Variants in PTK2 observed in about 807,000 individuals in gnomAD.
The protein encoded by PTK2 is protein tyrosine kinase 2.
PTK2 carries 45 observed loss-of-function variants against 150.1 expected under a neutral mutation model. That is an observed-to-expected ratio of 0.30 (90% CI 0.24 to 0.38). The LOEUF is 0.38. Ranked by LOEUF, PTK2 falls within the 10% of genes least tolerant of loss-of-function variation. PTK2 has a pLI of 1.00. For synonymous variants in PTK2, 432 were observed against 449.2 expected, an observed-to-expected ratio of 0.96 and a Z score of 0.48; for missense variants, 919 against 1,307.3, an observed-to-expected ratio of 0.70 and a Z score of 4.58.
At chr8:140,980,237 T>C (rs1569536095) in intron 1 of PTK2, among the ~76,000 whole-genome samples, 1 of 152,250 alleles carries the variant, frequency 6.6e-6, no homozygotes, top group South Asian at 2.1e-4. Context: ...AAAACTATCA[T>C]ACAGCACCTA....
rs1310618002 is a variant in PTK2 at position 140,679,021 on chromosome 8, T to C, written c.2563-3522A>G. Among the ~76,000 whole-genome samples the C allele has an allele frequency of 5.6e-5, 6 of 107,646 alleles. No individual in the cohort carries two copies. The East Asian group carries it at 1.5e-3, about 27-fold the overall frequency. 70.6% of individuals were successfully genotyped at this position (107,646 alleles called of 152,430 possible). A position where few individuals can be genotyped will look rare whatever the true frequency, so the allele number is the denominator to read the frequency against. On this transcript the variant is annotated intron_variant, in intron 27 of 31. Coordinates refer to ENST00000522684, the Ensembl canonical transcript of PTK2. ...TCCCCATGTTTTTTTTTTTTTTTTTTTTTTTTTTTTTTTTTTTTTTTGAGA... is the reference window on the plus strand; with the variant it reads ...TCCCCATGTTTTTTTTTTTTTTTTTCTTTTTTTTTTTTTTTTTTTTTGAGA...
intron 23 of PTK2, among the ~76,000 whole-genome samples, chr8:140,715,900 T>G (rs1591843162): frequency 6.6e-6 from 1 of 152,030 alleles, no homozygotes; most frequent in East Asian, 1.9e-4. Flanking sequence ...ATTTGGAAAA[T>G]TAGTCATATT....
intron 2 of PTK2, among the ~76,000 whole-genome samples, chr8:140,914,823 G>A (rs1353339901): frequency 6.6e-6 from 1 of 151,940 alleles, no homozygotes; most frequent in African/African-American, 2.4e-5. Flanking sequence ...ATCACATGAG[G>A]TTGGAAGTTT....
intron 3 of PTK2, among the ~76,000 whole-genome samples, chr8:140,882,348 T>TCA (rs1242097550): frequency 1.3e-5 from 2 of 152,142 alleles, no homozygotes; most frequent in Non-Finnish European, 2.9e-5. Flanking sequence ...CATTTTCATA[T>TCA]CACACACACG....
At chr8:140,883,752 C>T (rs2100150616) in intron 3 of PTK2, among the ~76,000 whole-genome samples, 1 of 152,028 alleles carries the variant, frequency 6.6e-6, no homozygotes, top group African/African-American at 2.4e-5. Flanking sequence ...AAAGAATGTA[C>T]TTTTTTATCT....
chr8:140,710,931 T>C (rs74912575), intron 23 of PTK2, among the ~76,000 whole-genome samples: 5 of 152,230 alleles, frequency 3.3e-5, no homozygotes, highest in African/African-American at 7.2e-5. Context: ...TTGTTTCATA[T>C]CCCGCGGGAC....
At chr8:140,874,805 T>C (rs905112541) in intron 4 of PTK2, among the ~76,000 whole-genome samples, 4 of 152,240 alleles carry the variant, frequency 2.6e-5, no homozygotes, top group Non-Finnish European at 4.4e-5. Context: ...GTTTGGTTCC[T>C]AGCTGAAAAC....
intron 29 of PTK2, 41 bp downstream of exon 32, chr8:140,674,257 A>G (rs367737830): frequency 1.9e-6 from 3 of 1,544,034 alleles, no homozygotes; most frequent in Non-Finnish European, 2.7e-6. Flanking sequence ...GACACCACAA[A>G]TCCTGCAAGC....
chr8:140,816,256 T>C (rs1006063890), intron 10 of PTK2, among the ~76,000 whole-genome samples: 1 of 152,124 alleles, frequency 6.6e-6, no homozygotes, highest in Non-Finnish European at 1.5e-5. Flanking sequence ...AACTATAAAA[T>C]ACTTATGAAT....
chr8:140,998,841 T>C (rs563200489), intron 1 of PTK2, among the ~76,000 whole-genome samples: 1 of 151,040 alleles, frequency 6.6e-6, no homozygotes, highest in South Asian at 2.1e-4. Flanking sequence ...AAAAAAACTA[T>C]TTTCTTAGAC....
In PTK2 at chr8:140,861,882, C is replaced by T. The variant is rs114055092; in HGVS notation, c.450+2430G>A. ...TGATCAGAATTTTTTTTAGACCACT[C>T]TGACTGGATGGCAGTATCAGGGATA... On this transcript the variant is annotated intron_variant, in intron 5 of 31. Transcript: ENST00000522684. Among the ~76,000 whole-genome samples the T allele has an allele frequency of 5.5e-3, 838 of 152,252 alleles. 8 individuals carry two copies. The highest frequency in any genetic ancestry group is 0.019 in the African/African-American group (788 of 41,540).
chr8:140,968,786 T>C (rs550018580), intron 1 of PTK2, among the ~76,000 whole-genome samples: 5 of 152,364 alleles, frequency 3.3e-5, no homozygotes, highest in East Asian at 3.9e-4. Flanking sequence ...AAGGGCCATG[T>C]TGTCTACCTG....
intron 22 of PTK2, among the ~76,000 whole-genome samples, chr8:140,732,133 A>G (rs1282705288): frequency 2.0e-5 from 3 of 152,228 alleles, no homozygotes; most frequent in Non-Finnish European, 4.4e-5. Context: ...AAATTTTGAA[A>G]AAAATTAATA....
intron 19 of PTK2, 90 bp from the exon 23 acceptor site, chr8:140,743,420 G>A: frequency 3.4e-6 from 3 of 891,882 alleles, no homozygotes; most frequent in Non-Finnish European, 5.3e-6. Flanking sequence ...TAGGCACTTT[G>A]AAAGACAGCT....
intron 8 of PTK2, among the ~76,000 whole-genome samples, chr8:140,826,351 T>G (rs1339679678): frequency 6.6e-6 from 1 of 152,210 alleles, no homozygotes; most frequent in East Asian, 1.9e-4. Flanking sequence ...AGAAGTTTCA[T>G]GGCAATCAGT....
chr8:140,808,095 G>GGA (rs990618099), intron 10 of PTK2, among the ~76,000 whole-genome samples: 1 of 152,178 alleles, frequency 6.6e-6, no homozygotes, highest in Non-Finnish European at 1.5e-5. Context: ...GAGGTACCAG[G>GGA]GAGAGAGAGG....
chr8:140,988,915 C>T (rs928783580), intron 1 of PTK2, among the ~76,000 whole-genome samples: 1 of 151,842 alleles, frequency 6.6e-6, no homozygotes, highest in Non-Finnish European at 1.5e-5. Flanking sequence ...AAAATCTATT[C>T]CAAGTGAATT....
intron 1 of PTK2, among the ~76,000 whole-genome samples, chr8:140,932,510 C>CT (rs1444289216): frequency 6.6e-6 from 1 of 152,098 alleles, no homozygotes; most frequent in Non-Finnish European, 1.5e-5. Context: ...GCCACCATTT[C>CT]TTTTTTCAGG....
chr8:140,702,697 T>C (rs1369775449), exon 25 of PTK2: 2 of 1,613,752 alleles, frequency 1.2e-6, no homozygotes, highest in Non-Finnish European at 1.7e-6. Flanking sequence ...TGAACCAGGG[T>C]AGCCAGAAAC....
Sources: allele counts gnomAD v4.1 joint callset (sites outside exome capture counted in the v4.1 genomes callset), GRCh38; gene constraint gnomAD v4.1.1; transcripts MANE v1.5; gene names NCBI Gene and HGNC (gene_info 2026-07-23, HGNC 2026-07-21).